The following LMBR1 variants were observed in gnomAD, a reference collection of about 807,000 sequenced individuals.
LMBR1 encodes the protein limb development membrane protein 1, also known as limb region 1 protein homolog.
A neutral mutation model predicts 73.9 loss-of-function variants in LMBR1; 52 were observed. That is an observed-to-expected ratio of 0.70 (90% CI 0.56 to 0.89). The LOEUF is 0.89. Among genes scored for constraint, LMBR1 ranks in the 40% least tolerant of loss-of-function variants. LMBR1 has a pLI of 0.00. For missense variants in LMBR1, 539 were observed against 579.8 expected, an observed-to-expected ratio of 0.93 and a Z score of 0.72; for synonymous variants, 215 against 209.4, an observed-to-expected ratio of 1.03 and a Z score of -0.23.
At chr7:156,789,142 T>C (rs1828733046) in intron 5 of LMBR1, among the ~76,000 whole-genome samples, 1 of 152,364 alleles carries the variant, frequency 6.6e-6, no homozygotes, top group South Asian at 2.1e-4. Context: ...TCCATAAAAC[T>C]GATCATTTCA....
At chr7:156,684,564 C>T (rs1053409304) in intron 16 of LMBR1, among the ~76,000 whole-genome samples, 2 of 152,178 alleles carry the variant, frequency 1.3e-5, no homozygotes, top group African/African-American at 4.8e-5. Flanking sequence ...TGTCCCAACC[C>T]GGCTAATAAA....
chr7:156,676,229 CAG>C (rs1803969572), downstream of LMBR1: 4 of 1,497,492 alleles, frequency 2.7e-6, no homozygotes, highest in Non-Finnish European at 3.6e-6. Context: ...CCAGGAGTAA[CAG>C]AGTATATGTG....
chr7:156,751,074 C>A (rs1207619635), intron 9 of LMBR1, among the ~76,000 whole-genome samples: 1 of 152,154 alleles, frequency 6.6e-6, no homozygotes, highest in Non-Finnish European at 1.5e-5. Context: ...TGTGTCACTG[C>A]ACTCCAGCCT....
In LMBR1 at chr7:156,763,148, T is replaced by C. The variant is rs927421270; in HGVS notation, c.579A>G (p.Leu193=). 4.2e-6 allele frequency: 6 copies of C among 1,416,996 alleles called. No homozygotes were observed. The African/African-American group carries it at 5.8e-5, about 14-fold the overall frequency. The allele number at this position is 1,416,996 out of a possible 1,614,324, so 87.8% of individuals were successfully genotyped here. The change falls in exon 7 of 17, where the codon TTA becomes TTG. Residue 193 remains leucine (L), a synonymous_variant. Transcript: ENST00000353442. ...ATCCCATCAATGATATACAGGAATA[T>C]AAATAGGGTAGATAGAACTCCCAGA... ...YDLWEFYLPY[L]YSCISLMGCL...
chr7:156,709,571 G>A (rs1811653190), intron 15 of LMBR1, among the ~76,000 whole-genome samples: 1 of 152,140 alleles, frequency 6.6e-6, no homozygotes, highest in Non-Finnish European at 1.5e-5. Context: ...CCCAGAGCCT[G>A]GTAGCCCTGC....
intron 15 of LMBR1, among the ~76,000 whole-genome samples, chr7:156,710,406 G>A (rs1056154263): frequency 3.9e-5 from 6 of 152,104 alleles, no homozygotes; most frequent in Non-Finnish European, 8.8e-5. Flanking sequence ...ACGATAGACT[G>A]GACAAGTAAA....
chr7:156,719,508 C>A (rs1232611354), intron 15 of LMBR1, among the ~76,000 whole-genome samples: 4 of 152,104 alleles, frequency 2.6e-5, no homozygotes, highest in African/African-American at 7.2e-5. Context: ...GAATCAATAT[C>A]ATGAAAATGG....
intron 15 of LMBR1, among the ~76,000 whole-genome samples, chr7:156,700,041 G>A (rs1292170903): frequency 6.6e-6 from 1 of 152,168 alleles, no homozygotes; most frequent in African/African-American, 2.4e-5. Flanking sequence ...TCCCATTACT[G>A]GGTATATACT....
chr7:156,828,542 T>G (rs1645692364), intron 3 of LMBR1, among the ~76,000 whole-genome samples: 2 of 152,106 alleles, frequency 1.3e-5, no homozygotes, highest in African/African-American at 4.8e-5. Context: ...CTAAATAAAA[T>G]AAGGTGATGA....
chr7:156,840,039 T>C (rs959712568), intron 1 of LMBR1, among the ~76,000 whole-genome samples: 3 of 152,186 alleles, frequency 2.0e-5, no homozygotes, highest in African/African-American at 7.2e-5. Context: ...ACACAGTGAA[T>C]CATGAGGTTA....
At chr7:156,753,588 GA>G (rs1303515178) in intron 9 of LMBR1, among the ~76,000 whole-genome samples, 1 of 152,110 alleles carries the variant, frequency 6.6e-6, no homozygotes, top group African/African-American at 2.4e-5. Flanking sequence ...GAGGAAAGTG[GA>G]AAATCAGGTC....
chr7:156,855,331 C>G (rs1796789948), intron 1 of LMBR1, among the ~76,000 whole-genome samples: 1 of 152,094 alleles, frequency 6.6e-6, no homozygotes, highest in Admixed American at 6.5e-5. Context: ...GAGGCATAGG[C>G]TCAATAAAAG....
intron 10 of LMBR1, 23 bp from the exon 11 acceptor site, chr7:156,728,743 A>G (rs758814109): frequency 6.6e-7 from 1 of 1,518,940 alleles, no homozygotes; most frequent in Non-Finnish European, 9.0e-7. Flanking sequence ...AAAACAAAAT[A>G]AAACAAAGTT....
chr7:156,671,282 A>G (rs1802437088), intron 4 of LMBR1, among the ~76,000 whole-genome samples: 1 of 152,230 alleles, frequency 6.6e-6, no homozygotes, highest in Non-Finnish European at 1.5e-5. Flanking sequence ...AGCACCAATC[A>G]GATTATGTAT....
Position 156,724,122 on chromosome 7 carries a change from C to T in LMBR1, c.1215G>A (p.Ser405=), listed in dbSNP as rs754436986. Residue 405 remains serine (S), a synonymous_variant, in exon 15 of 17, where the codon TCG becomes TCA. Coordinates refer to ENST00000353442, the MANE Select transcript of LMBR1 (RefSeq NM_022458.4). ...CTCACTGAAACTTACCCAGTGTTCT[C>T]GACATCACAGGCAGAGCAGAGCTCA... ...LVLSSALPVM[S]RTLGITRFDL... is the part of the protein sequence containing the mutation. The T allele has an allele frequency of 3.1e-6, 5 of 1,609,236 alleles. No homozygotes were observed. Among genetic ancestry groups the T allele is most frequent in the African/African-American group, 1.3e-5 (1 of 74,694 alleles).
intron 5 of LMBR1, among the ~76,000 whole-genome samples, chr7:156,789,083 A>G (rs936610836): frequency 6.6e-6 from 1 of 152,132 alleles, no homozygotes; most frequent in Non-Finnish European, 1.5e-5. Flanking sequence ...GCATTATAAA[A>G]CAACTTAAAA....
At chr7:156,840,964 CAA>C (rs57968006) in intron 1 of LMBR1, among the ~76,000 whole-genome samples, 4,314 of 71,210 alleles carry the variant, frequency 0.061, 56 homozygotes, top group Admixed American at 0.091. Context: ...GACTCGGTCT[CAA>C]AAAAAAAAAA....
chr7:156,725,847 G>A lies in LMBR1; in HGVS notation c.994-10C>T. The A allele has an allele frequency of 6.2e-7, 1 of 1,609,270 alleles. No individual in the cohort carries two copies. The highest frequency in any genetic ancestry group is 8.5e-7 in the Non-Finnish European group (1 of 1,177,588). On this transcript the variant is annotated splice_polypyrimidine_tract_variant and intron_variant, in intron 12 of 16. Transcript: ENST00000353442. ...TTCCTATTCCAGGCCCCTGGGGTGG[G>A]AGAAAGACACTTTTCAGAATTTGAT...
At chr7:156,677,136 A>G (rs1804212577), downstream of LMBR1, 1 of 154,602 alleles carries the variant, frequency 6.5e-6, no homozygotes, top group South Asian at 2.0e-4. Flanking sequence ...AAAAAGTGCA[A>G]ATTTTAATGT....
Sources: allele counts gnomAD v4.1 joint callset (sites outside exome capture counted in the v4.1 genomes callset), GRCh38; gene constraint gnomAD v4.1.1; transcripts MANE v1.5; gene names NCBI Gene and HGNC (gene_info 2026-07-23, HGNC 2026-07-21).